The following DACH1 variants were observed in gnomAD, a reference collection of about 807,000 sequenced individuals.
The protein encoded by DACH1 is dachshund family transcription factor 1.
A neutral mutation model predicts 54.2 loss-of-function variants in DACH1; 12 were observed. The ratio of observed to expected loss-of-function variants is 0.22; its 90% CI spans 0.14 to 0.36. DACH1 has a LOEUF of 0.36. Ranked by LOEUF, DACH1 falls within the 10% of genes least tolerant of loss-of-function variation. The probability of loss-of-function intolerance (pLI) is 1.00; values close to 1 mark genes in which losing one functional copy is unlikely to be tolerated. For missense variants in DACH1, 805 were observed against 929.8 expected, an observed-to-expected ratio of 0.87 and a Z score of 1.75; for synonymous variants, 386 against 366.2, an observed-to-expected ratio of 1.05 and a Z score of -0.62.
In DACH1 at chr13:71,686,117, C is replaced by T. The variant is rs568876400; in HGVS notation, c.849-4207G>A. ...CTGAACTCTCCTAGCTCTAATCAAA[C>T]GGAAGACCTCACTTAAATAATTACA... On this transcript the variant is annotated intron_variant, in intron 1 of 10. Coordinates refer to ENST00000613252, the MANE Select transcript of DACH1 (RefSeq NM_080759.6). Among the ~76,000 whole-genome samples, 17 of 152,206 alleles carry T rather than the reference C, an allele frequency of 1.1e-4. No homozygotes were observed. In the South Asian group the frequency reaches 1.9e-3, roughly 17 times the overall value.
intron 6 of DACH1, among the ~76,000 whole-genome samples, chr13:71,522,206 G>A (rs192332870): frequency 7.4e-4 from 112 of 152,176 alleles, no homozygotes; most frequent in Non-Finnish European, 7.1e-4. Flanking sequence ...TTGTTTCACA[G>A]GCAAAACATT....
chr13:71,546,993 C>T (rs1883505626), intron 6 of DACH1, among the ~76,000 whole-genome samples: 1 of 151,924 alleles, frequency 6.6e-6, no homozygotes, highest in African/African-American at 2.4e-5. Context: ...TTGCATAAAC[C>T]CTTGCGTGTT....
chr13:71,793,282 TCTA>T (rs1413862808), intron 1 of DACH1, among the ~76,000 whole-genome samples: 1 of 152,176 alleles, frequency 6.6e-6, no homozygotes, highest in Non-Finnish European at 1.5e-5. Context: ...GAACTGAACT[TCTA>T]ATATTTTCAG....
intron 1 of DACH1, among the ~76,000 whole-genome samples, chr13:71,729,933 G>A (rs1232210308): frequency 1.3e-5 from 2 of 151,920 alleles, no homozygotes; most frequent in Admixed American, 1.3e-4. Flanking sequence ...GCAATAATAT[G>A]GAATGAACAT....
chr13:71,510,871 CATT>C (rs1488368942), intron 6 of DACH1, among the ~76,000 whole-genome samples: 2 of 151,782 alleles, frequency 1.3e-5, no homozygotes, highest in Admixed American at 6.6e-5. Flanking sequence ...TCTTTGAACA[CATT>C]ATTCTATGTA....
intron 1 of DACH1, among the ~76,000 whole-genome samples, chr13:71,766,884 T>A (rs1449290745): frequency 6.6e-6 from 1 of 151,926 alleles, no homozygotes; most frequent in Non-Finnish European, 1.5e-5. Flanking sequence ...AAAAAGTTTT[T>A]TTCCCCCAAA....
At chr13:71,455,189 A>G (rs1875442981) in intron 10 of DACH1, among the ~76,000 whole-genome samples, 1 of 152,182 alleles carries the variant, frequency 6.6e-6, no homozygotes, top group Non-Finnish European at 1.5e-5. Flanking sequence ...GCTATTGAAA[A>G]GATAAATTAT....
At chr13:71,772,013 T>C (rs1007959202) in intron 1 of DACH1, among the ~76,000 whole-genome samples, 1 of 151,542 alleles carries the variant, frequency 6.6e-6, no homozygotes, top group Non-Finnish European at 1.5e-5. Flanking sequence ...CAATTTACTA[T>C]CCTTAAAAGG....
chr13:71,740,695 G>A (rs574976720), intron 1 of DACH1, among the ~76,000 whole-genome samples: 1 of 151,940 alleles, frequency 6.6e-6, no homozygotes, highest in Admixed American at 6.6e-5. Context: ...CTGGGGTGTG[G>A]GTGTATTTAA....
chr13:71,487,351 A>G (rs544514048), intron 7 of DACH1, among the ~76,000 whole-genome samples: 2 of 152,162 alleles, frequency 1.3e-5, no homozygotes, highest in Admixed American at 1.3e-4. Context: ...ACAATGAGTA[A>G]TTTGTCTAAA....
At chr13:71,703,555 C>T (rs759672242) in intron 1 of DACH1, among the ~76,000 whole-genome samples, 11 of 152,128 alleles carry the variant, frequency 7.2e-5, no homozygotes, top group Admixed American at 1.3e-4. Context: ...GCACAAGATG[C>T]GTCATAAATA....
intron 10 of DACH1, among the ~76,000 whole-genome samples, chr13:71,473,727 T>C (rs1877280887): frequency 6.6e-6 from 1 of 152,200 alleles, no homozygotes; most frequent in Non-Finnish European, 1.5e-5. Context: ...GAGGATTCTG[T>C]GTATATCAGA....
chr13:71,809,216 G>A (rs1442490825), intron 1 of DACH1, among the ~76,000 whole-genome samples: 2 of 152,100 alleles, frequency 1.3e-5, no homozygotes, highest in East Asian at 1.9e-4. Context: ...ACAGGGTCTC[G>A]CTCTGTTGCC....
chr13:71,736,101 G>A (rs1193394247), intron 1 of DACH1, among the ~76,000 whole-genome samples: 1 of 152,146 alleles, frequency 6.6e-6, no homozygotes, highest in Non-Finnish European at 1.5e-5. Flanking sequence ...GGTATGCATG[G>A]ATTTTCTAGA....
At chr13:71,858,892 CCT>C (rs151258252) in intron 1 of DACH1, among the ~76,000 whole-genome samples, 450 of 140,418 alleles carry the variant, frequency 3.2e-3, no homozygotes, top group East Asian at 5.7e-3. Context: ...CCTCTCTCTG[CCT>C]CTCTCTCTCT....
chr13:71,699,678 C>A (rs1882014877), intron 1 of DACH1, among the ~76,000 whole-genome samples: 1 of 152,200 alleles, frequency 6.6e-6, no homozygotes, highest in South Asian at 2.1e-4. Context: ...GTTATTGCAT[C>A]AATCCAAATA....
At chr13:71,575,683 C>A (rs1885485396) in intron 3 of DACH1, among the ~76,000 whole-genome samples, 1 of 151,962 alleles carries the variant, frequency 6.6e-6, no homozygotes, top group South Asian at 2.1e-4. Flanking sequence ...CCCTTGTGCA[C>A]AGGTAAATAT....
chr13:71,789,662 T>C (rs1446682135), intron 1 of DACH1, among the ~76,000 whole-genome samples: 1 of 152,080 alleles, frequency 6.6e-6, no homozygotes, highest in Admixed American at 6.6e-5. Context: ...TTTTAACCCA[T>C]TAGTGGGGTT....
At chr13:71,571,458 A>G (rs1885191072) in intron 4 of DACH1, among the ~76,000 whole-genome samples, 1 of 152,166 alleles carries the variant, frequency 6.6e-6, no homozygotes, top group Non-Finnish European at 1.5e-5. Context: ...TAATCTGGTA[A>G]CAATATCCCT....
Sources: allele counts gnomAD v4.1 joint callset (sites outside exome capture counted in the v4.1 genomes callset), GRCh38; gene constraint gnomAD v4.1.1; transcripts MANE v1.5; gene names NCBI Gene and HGNC (gene_info 2026-07-23, HGNC 2026-07-21).